The following MALRD1 variants were observed in gnomAD, a reference collection of about 807,000 sequenced individuals.
MALRD1 encodes MAM and LDL receptor class A domain containing 1, also known as MAM and LDL-receptor class A domain-containing protein 1.
MALRD1 carries 247 observed loss-of-function variants against 242.1 expected under a neutral mutation model. The ratio of observed to expected loss-of-function variants is 1.02; its 90% confidence interval spans 0.92 to 1.13. The LOEUF (loss-of-function observed/expected upper bound fraction) is 1.13. Ranked by LOEUF, MALRD1 falls within the 50% of genes most tolerant of loss-of-function variation. The pLI is 0.00. For synonymous variants in MALRD1, 995 were observed against 866.6 expected (o/e 1.15, Z -2.60); for missense variants, 2,989 against 2,533.1 (o/e 1.18, Z -3.86).
Position 19,136,588 on chromosome 10 carries a change from G to C in MALRD1, c.1218G>C (p.Gly406=). ...DLKTFKIIFE[G]TLLSQRSFIA... is the part of the protein sequence containing the mutation. Reference sequence around the variant, plus strand: ...CCTTCCTAAAGATTATTTTTGAAGGGACTCTTTTGAGCCAGAGAAGTTTTA... The same window carrying C: ...CCTTCCTAAAGATTATTTTTGAAGGCACTCTTTTGAGCCAGAGAAGTTTTA... Residue 406 remains glycine, a synonymous_variant, in exon 10 of 40, where the codon GGG becomes GGC. Coordinates refer to ENST00000454679, the MANE Select transcript of MALRD1 (RefSeq NM_001142308.3). The C allele has an allele frequency of 8.1e-7, 1 of 1,230,990 alleles. No homozygotes were observed. The highest frequency in any genetic ancestry group is 1.0e-6 in the Non-Finnish European group (1 of 987,400). The allele number at this position is 1,230,990 out of a possible 1,614,324, so 76.3% of individuals were successfully genotyped here. A position where few individuals can be genotyped will look rare whatever the true frequency, so the allele number is the denominator to read the frequency against.
chr10:19,586,133 T>C (rs940988473), intron 33 of MALRD1, among the ~76,000 whole-genome samples: 6 of 152,150 alleles, frequency 3.9e-5, no homozygotes, highest in Admixed American at 3.9e-4. Flanking sequence ...TCTTCTAAAT[T>C]TTTTTCAAAG....
chr10:19,263,063 G>A (rs959159535), intron 19 of MALRD1, among the ~76,000 whole-genome samples: 2 of 152,026 alleles, frequency 1.3e-5, no homozygotes, highest in African/African-American at 4.8e-5. Flanking sequence ...TCCCTATTGT[G>A]GCTATTGTGA....
Position 19,221,122 on chromosome 10 carries a change from A to T in MALRD1, c.2991+11442A>T, listed in dbSNP as rs200257678. On this transcript the variant is annotated intron_variant, in intron 18 of 39. Transcript: ENST00000454679. ...GTGAAAGAGATGGCATAATTTTTTT[A>T]AAAAATGTTGTTTATAATCTAATTT... 2.2e-4 allele frequency among the ~76,000 whole-genome samples: 33 copies of T among 152,208 alleles called. 1 individual carries two copies. Among genetic ancestry groups the T allele is most frequent in the Admixed American group, 5.2e-4 (8 of 15,284 alleles).
intron 26 of MALRD1, among the ~76,000 whole-genome samples, chr10:19,368,426 G>A (rs559932051): frequency 6.6e-6 from 1 of 152,166 alleles, no homozygotes; most frequent in South Asian, 2.1e-4. Context: ...TCAATTGACT[G>A]TAGAATTGTG....
At chr10:19,103,827 T>C (rs185114330) in intron 4 of MALRD1, among the ~76,000 whole-genome samples, 152 bp from the exon 5 acceptor site, 28 of 152,348 alleles carry the variant, frequency 1.8e-4, no homozygotes, top group African/African-American at 6.7e-4. Flanking sequence ...ATGTTTGCTT[T>C]GATTTCTTTG....
chr10:19,524,571 A>G (rs999529209), intron 31 of MALRD1, among the ~76,000 whole-genome samples: 3 of 152,158 alleles, frequency 2.0e-5, no homozygotes, highest in African/African-American at 7.2e-5. Flanking sequence ...ACACCCTTCT[A>G]TTGAGAGTGA....
intron 28 of MALRD1, among the ~76,000 whole-genome samples, chr10:19,406,561 G>T (rs115512999): frequency 0.02 from 3,009 of 152,280 alleles, 36 homozygotes; most frequent in Middle Eastern, 0.034. Flanking sequence ...CTGGCTAAGG[G>T]TGTCTGTCAT....
intron 18 of MALRD1, among the ~76,000 whole-genome samples, chr10:19,218,122 G>A (rs1837402009): frequency 6.6e-6 from 1 of 151,678 alleles, no homozygotes; most frequent in Admixed American, 6.6e-5. Context: ...AGCAATGATT[G>A]GTTTATGTAT....
chr10:19,701,732 C>T (rs1476522635), intron 38 of MALRD1, among the ~76,000 whole-genome samples: 11 of 122,658 alleles, frequency 9.0e-5, no homozygotes, highest in African/African-American at 3.0e-4. Context: ...CTCCCTTTCC[C>T]CTTCCCCTCC....
intron 38 of MALRD1, among the ~76,000 whole-genome samples, chr10:19,708,250 A>G (rs893628306): frequency 1.7e-5 from 2 of 120,552 alleles, no homozygotes; most frequent in African/African-American, 5.2e-5. Context: ...CCAAACTTCT[A>G]TCATTTATAG....
chr10:19,717,445 C>A (rs148860203), intron 38 of MALRD1, among the ~76,000 whole-genome samples: 22 of 152,252 alleles, frequency 1.4e-4, no homozygotes, highest in Admixed American at 2.6e-4. Context: ...TTAACTGGTG[C>A]TAAGAACTAG....
intron 18 of MALRD1, among the ~76,000 whole-genome samples, chr10:19,244,071 T>A (rs1838929021): frequency 6.6e-6 from 1 of 152,152 alleles, no homozygotes; most frequent in African/African-American, 2.4e-5. Context: ...CTTTTCATAC[T>A]CTTATCTAAA....
At chr10:19,505,316 TA>T (rs1195804802) in intron 31 of MALRD1, among the ~76,000 whole-genome samples, 2 of 152,194 alleles carry the variant, frequency 1.3e-5, no homozygotes, top group African/African-American at 4.8e-5. Flanking sequence ...CTAGTGTGAC[TA>T]TTTGGAGATA....
intron 18 of MALRD1, among the ~76,000 whole-genome samples, chr10:19,230,708 G>C (rs924868712): frequency 6.6e-6 from 1 of 152,128 alleles, no homozygotes; most frequent in Non-Finnish European, 1.5e-5. Flanking sequence ...AAAAGGGAGA[G>C]AGTTAGCTTC....
chr10:19,270,330 TCTCTCTCACACACACACACA>T (rs1166046427), intron 19 of MALRD1, among the ~76,000 whole-genome samples: 2 of 106,996 alleles, frequency 1.9e-5, no homozygotes, highest in Non-Finnish European at 3.7e-5. Context: ...TCTCTCTCTC[TCTCTCTCACACACACACACA>T]CACACACACA....
At chr10:19,412,526 C>T (rs942054964) in intron 28 of MALRD1, among the ~76,000 whole-genome samples, 5 of 152,082 alleles carry the variant, frequency 3.3e-5, no homozygotes, top group Admixed American at 2.0e-4. Flanking sequence ...GTGGGGAATC[C>T]AAATGTATAC....
At position 19,152,519 on chromosome 10, in the gene MALRD1, TA is replaced by T. The variant is rs1288132764; in HGVS notation, c.1559-2554del. Among the ~76,000 whole-genome samples, 1,256 of 152,318 alleles carry T rather than the reference TA, an allele frequency of 8.2e-3. 17 individuals carry two copies. Among genetic ancestry groups the T allele is most frequent in the African/African-American group, 0.029 (1,188 of 41,578 alleles). On this transcript the variant is annotated intron_variant, in intron 11 of 39. Coordinates refer to ENST00000454679, the MANE Select transcript of MALRD1 (RefSeq NM_001142308.3). ...AGTTTGCAGTCTTTCACAAAGTTTATAATGTTCTTCATATAAATCATGTCCC... is the reference window on the plus strand; with the variant it reads ...AGTTTGCAGTCTTTCACAAAGTTTATATGTTCTTCATATAAATCATGTCCC...
At chr10:19,392,760 A>G (rs1339862848) in intron 28 of MALRD1, among the ~76,000 whole-genome samples, 1 of 152,220 alleles carries the variant, frequency 6.6e-6, no homozygotes, top group Non-Finnish European at 1.5e-5. Flanking sequence ...AGTTTGCTTT[A>G]GTTATAAATG....
chr10:19,434,370 T>C (rs891769223), intron 28 of MALRD1, among the ~76,000 whole-genome samples: 4 of 152,144 alleles, frequency 2.6e-5, no homozygotes, highest in Admixed American at 6.5e-5. Context: ...TCTCCAAGAA[T>C]AATAGCTGTT....
Sources: allele counts gnomAD v4.1 joint callset (sites outside exome capture counted in the v4.1 genomes callset), GRCh38; gene constraint gnomAD v4.1.1; transcripts MANE v1.5; gene names NCBI Gene and HGNC (gene_info 2026-07-23, HGNC 2026-07-21).